Variants in KIF6 observed in about 807,000 individuals in gnomAD.
KIF6 encodes the protein kinesin-like protein KIF6.
KIF6 carries 106 observed loss-of-function variants against 112.7 expected under a neutral mutation model. That is an observed-to-expected ratio of 0.94 (90% CI 0.80 to 1.11). The LOEUF (loss-of-function observed/expected upper bound fraction) is 1.11. KIF6 is among the 50% of genes least tolerant of loss of function. The pLI, the probability that KIF6 is intolerant of heterozygous loss-of-function variation, is 0.00. For synonymous variants in KIF6, 339 were observed against 339.9 expected (o/e 1.00, Z 0.03); for missense variants, 929 against 964.0 (o/e 0.96, Z 0.48).
chr6:39,408,009 G>T (rs1378429396), intron 15 of KIF6, among the ~76,000 whole-genome samples: 2 of 152,162 alleles, frequency 1.3e-5, no homozygotes, highest in Non-Finnish European at 2.9e-5. Flanking sequence ...GAAAACATCT[G>T]CTACGTATTC....
chr6:39,640,682 T>C (rs10947825), intron 3 of KIF6, among the ~76,000 whole-genome samples: 48,103 of 151,954 alleles, frequency 0.32, 8,099 homozygotes, highest in South Asian at 0.51. Context: ...CAGTTCTATG[T>C]TTCATATGCT....
intron 3 of KIF6, among the ~76,000 whole-genome samples, chr6:39,687,744 G>C (rs906132324): frequency 6.6e-6 from 1 of 152,136 alleles, no homozygotes; most frequent in Non-Finnish European, 1.5e-5. Flanking sequence ...AGACTTTCTG[G>C]GCTCAAATCC....
rs777018815 is a variant in KIF6, at chr6:39,553,980, C to T, written c.1182-8292G>A. ...GACATCCTATCTGTGTGCCAGAAAC[C>T]GCAGGTTTACAGCATTACCAATGTA... On this transcript the variant is annotated intron_variant, in intron 10 of 22. Coordinates refer to ENST00000287152, the MANE Select transcript of KIF6 (RefSeq NM_145027.6). 4.5e-5 allele frequency: 7 copies of T among 154,930 alleles called. No homozygotes were observed. The South Asian group carries it at 5.5e-4, about 12-fold the overall frequency. The allele number at this position is 154,930 out of a possible 1,614,324, so 9.6% of individuals were successfully genotyped here.
chr6:39,400,233 C>A (rs1347307241), intron 15 of KIF6, among the ~76,000 whole-genome samples: 3 of 152,130 alleles, frequency 2.0e-5, no homozygotes, highest in African/African-American at 7.2e-5. Context: ...TGCTGTCACC[C>A]CTCCAGGAAC....
intron 13 of KIF6, among the ~76,000 whole-genome samples, chr6:39,460,416 C>T (rs1773392130): frequency 7.5e-6 from 1 of 133,840 alleles, no homozygotes; most frequent in Non-Finnish European, 1.6e-5. Flanking sequence ...GGAGATATAC[C>T]TAATGCTAGA....
chr6:39,575,516 C>T (rs933286703), intron 10 of KIF6, among the ~76,000 whole-genome samples: 17 of 152,114 alleles, frequency 1.1e-4, no homozygotes, highest in Non-Finnish European at 2.1e-4. Flanking sequence ...GTGATCCGCC[C>T]GCCTTGGCCT....
At chr6:39,559,869 A>G (rs968207948) in intron 10 of KIF6, among the ~76,000 whole-genome samples, 1 of 152,202 alleles carries the variant, frequency 6.6e-6, no homozygotes, top group Non-Finnish European at 1.5e-5. Context: ...TCAACTAACT[A>G]ACTGTTTTTA....
chr6:39,334,776 G>A lies in KIF6; in HGVS notation c.*1756C>T, dbSNP rs1344567079. On this transcript the variant is annotated 3_prime_UTR_variant, in exon 23 of 23. Transcript: ENST00000287152. ...ATCTTCAGGGCTCTTGAGAGTGTGT[G>A]TGTGTATGTGTGTGTGTGTGTGCAG... 1 of 151,878 alleles carries A rather than the reference G, an allele frequency of 6.6e-6. No individual in the cohort carries two copies. The highest frequency in any genetic ancestry group is 1.5e-5 in the Non-Finnish European group (1 of 68,042). The allele number at this position is 151,878 out of a possible 1,614,324, so 9.4% of individuals were successfully genotyped here.
At chr6:39,585,578 ATAG>A (rs777829455) in intron 8 of KIF6, among the ~76,000 whole-genome samples, 3 of 152,242 alleles carry the variant, frequency 2.0e-5, no homozygotes, top group Non-Finnish European at 2.9e-5. Flanking sequence ...GGCAGCTGGT[ATAG>A]TATGTGTTTT....
chr6:39,576,015 A>G (rs888709788), intron 10 of KIF6, among the ~76,000 whole-genome samples: 9 of 152,266 alleles, frequency 5.9e-5, no homozygotes, highest in African/African-American at 2.2e-4. Context: ...AATAGAGGGA[A>G]CCTGCAGCAC....
intron 5 of KIF6, among the ~76,000 whole-genome samples, chr6:39,625,728 C>A (rs781645858): frequency 7.7e-4 from 117 of 152,098 alleles, no homozygotes; most frequent in Non-Finnish European, 1.5e-3. Context: ...TCTAAAAGCA[C>A]TAAGTAAAAA....
intron 13 of KIF6, among the ~76,000 whole-genome samples, chr6:39,481,860 C>T (rs996850727): frequency 9.9e-5 from 15 of 152,126 alleles, no homozygotes; most frequent in Admixed American, 2.0e-4. Flanking sequence ...CTTCCAAGGC[C>T]GCTCCCTTCC....
intron 10 of KIF6, among the ~76,000 whole-genome samples, chr6:39,565,146 G>C (rs1201297466): frequency 6.6e-6 from 1 of 152,142 alleles, no homozygotes; most frequent in Non-Finnish European, 1.5e-5. Context: ...GACAATTCTC[G>C]AAACGTCATT....
chr6:39,561,127 T>C (rs1779985404), intron 10 of KIF6, among the ~76,000 whole-genome samples: 1 of 152,114 alleles, frequency 6.6e-6, no homozygotes. Context: ...GTGCACAGCA[T>C]GCACCTGAGT....
intron 21 of KIF6, among the ~76,000 whole-genome samples, chr6:39,344,491 C>T (rs1763556298): frequency 6.6e-6 from 1 of 152,142 alleles, no homozygotes; most frequent in African/African-American, 2.4e-5. Flanking sequence ...TCCAGCTGCC[C>T]CCTTTTCTTT....
chr6:39,697,917 C>A lies in KIF6; in HGVS notation c.251+16775G>T, dbSNP rs541347199. ...ATTAAGGATAAAACAGATTGGGAAA[C>A]TACAGCATCAACAACTTTTCAGTGT... On this transcript the variant is annotated intron_variant, in intron 3 of 22. Coordinates refer to ENST00000287152, the MANE Select transcript of KIF6 (RefSeq NM_145027.6). Among the ~76,000 whole-genome samples, 32 of 152,296 alleles carry A rather than the reference C, an allele frequency of 2.1e-4. 1 individual carries two copies. In the South Asian group the frequency reaches 6.2e-3, roughly 30 times the overall value.
In KIF6 at chr6:39,719,250, C is replaced by T. The variant is rs554384808; in HGVS notation, c.176+1452G>A. Among the ~76,000 whole-genome samples the T allele has an allele frequency of 1.3e-4, 20 of 151,880 alleles. 1 individual carries two copies. Among genetic ancestry groups the T allele is most frequent in the African/African-American group, 3.1e-4 (13 of 41,390 alleles). On this transcript the variant is annotated intron_variant, in intron 2 of 22. Coordinates refer to ENST00000287152, the MANE Select transcript of KIF6 (RefSeq NM_145027.6). ...AGGAGAATCGCTTGAACCCGGGAGG[C>T]GGAAGTTGTAGTGAGCCAAGACTGC...
intron 13 of KIF6, among the ~76,000 whole-genome samples, chr6:39,503,525 C>T (rs999540484): frequency 6.6e-6 from 1 of 151,446 alleles, no homozygotes; most frequent in Non-Finnish European, 1.5e-5. Context: ...AAAAAAAAAT[C>T]AACAAATCCA....
chr6:39,637,959 G>T (rs894651594), intron 4 of KIF6, among the ~76,000 whole-genome samples: 20 of 151,944 alleles, frequency 1.3e-4, no homozygotes, highest in African/African-American at 4.8e-4. Flanking sequence ...TAAGTACTAA[G>T]GAGACATTTA....
Sources: allele counts gnomAD v4.1 joint callset (sites outside exome capture counted in the v4.1 genomes callset), GRCh38; gene constraint gnomAD v4.1.1; transcripts MANE v1.5; gene names NCBI Gene and HGNC (gene_info 2026-07-23, HGNC 2026-07-21).